Variants in ACSL5 observed in about 807,000 individuals in gnomAD.
ACSL5 encodes acyl-CoA synthetase long chain family member 5.
A neutral mutation model predicts 84.9 loss-of-function variants in ACSL5; 50 were observed. The observed-to-expected ratio is 0.59, with a 90% CI of 0.47 to 0.75. The LOEUF is 0.75. Ranked by LOEUF, ACSL5 falls within the 30% of genes least tolerant of loss-of-function variation. The pLI is 0.00. For synonymous variants in ACSL5, 280 were observed against 300.7 expected, an observed-to-expected ratio of 0.93 and a Z score of 0.71; for missense variants, 775 against 830.4, an observed-to-expected ratio of 0.93 and a Z score of 0.82.
At chr10:112,376,527 C>A (rs1849242997) in intron 1 of ACSL5, 4 of 1,579,434 alleles carry the variant, frequency 2.5e-6, no homozygotes, top group Non-Finnish European at 3.4e-6. Flanking sequence ...GGCATCCTGA[C>A]CCCCGACTTT....
rs1315546389 is a variant in ACSL5, at chr10:112,427,338, T to A, written c.2032T>A (p.Tyr678Asn). 1 of 1,613,360 alleles carries A rather than the reference T, an allele frequency of 6.2e-7. No individual in the cohort carries two copies. The highest frequency in any genetic ancestry group is 8.5e-7 in the Non-Finnish European group (1 of 1,179,654). Reference protein sequence around the residue: ...KYFRTQIDSLYEHIQD With the variant: ...KYFRTQIDSLNEHIQD ...CTTTCGGACCCAAATTGACAGCCTG[T>A]ATGAGCACATCCAGGATTAGGATAA... is the stretch of plus-strand genomic sequence containing the variant. The change falls in exon 21 of 21, where the codon TAT becomes AAT. Residue 678 changes from tyrosine to asparagine, a missense_variant. Tyr to Asn is a moderately radical substitution (Grantham distance 143). Transcript: ENST00000354655.
chr10:112,422,183 A>G (rs540342924), intron 16 of ACSL5, 142 bp from the exon 17 acceptor site: 180 of 1,092,190 alleles, frequency 1.6e-4, no homozygotes, highest in Admixed American at 1.0e-3. Context: ...CCTATCCCCT[A>G]TAGTGGAGAC....
In ACSL5 at chr10:112,410,578, C is replaced by G; in HGVS notation, c.745-6C>G. ...GTGGAATAAGCCCTTGTGCTTCCTC[C>G]TCCAGCCTCCTAGCCCAGAAGACCT... On this transcript the variant is annotated splice_region_variant and splice_polypyrimidine_tract_variant and intron_variant, in intron 8 of 20. Coordinates refer to ENST00000354655, the MANE Select transcript of ACSL5 (RefSeq NM_203379.2). 1 of 1,614,148 alleles carries G rather than the reference C, an allele frequency of 6.2e-7. No individual in the cohort carries two copies. Among genetic ancestry groups the G allele is most frequent in the Non-Finnish European group, 8.5e-7 (1 of 1,180,028 alleles).
At chr10:112,426,660 G>C in intron 19 of ACSL5, 128 bp from the exon 20 acceptor site, 1 of 795,294 alleles carries the variant, frequency 1.3e-6, no homozygotes, top group South Asian at 1.7e-5. Flanking sequence ...CATATAATGT[G>C]CTTGTGCATA....
chr10:112,426,458 CCAAA>C (rs1439315315), intron 19 of ACSL5, 99 bp downstream of exon 19: 9 of 973,118 alleles, frequency 9.2e-6, no homozygotes, highest in East Asian at 2.4e-5. Context: ...TGGCTGCAGC[CCAAA>C]CAGACTGAAT....
At chr10:112,402,217 C>T (rs1390328666) in intron 3 of ACSL5, among the ~76,000 whole-genome samples, 2 of 152,136 alleles carry the variant, frequency 1.3e-5, no homozygotes, top group South Asian at 2.1e-4. Flanking sequence ...ATCTGCCAAC[C>T]TCTGCCTCCC....
At chr10:112,418,926 GA>G (rs1218387792) in intron 14 of ACSL5, 1 of 151,136 alleles carries the variant, frequency 6.6e-6, no homozygotes, top group Admixed American at 6.6e-5. Flanking sequence ...CCTATCAGTG[GA>G]GCTGTGCCAT....
chr10:112,416,848 T>C (rs371244292), intron 12 of ACSL5, 40 bp from the exon 13 acceptor site: 2 of 1,608,532 alleles, frequency 1.2e-6, no homozygotes, highest in Non-Finnish European at 1.7e-6. Flanking sequence ...GATGAGTATC[T>C]CCAATAGGTT....
intron 12 of ACSL5, among the ~76,000 whole-genome samples, chr10:112,414,958 C>G (rs1217158147): frequency 5.9e-5 from 9 of 152,254 alleles, no homozygotes. Context: ...TTAACTCTTC[C>G]TTTCACTCTT....
intron 7 of ACSL5, 58 bp downstream of exon 7, chr10:112,409,743 T>C: frequency 6.5e-7 from 1 of 1,547,846 alleles, no homozygotes; most frequent in Middle Eastern, 1.7e-4. Flanking sequence ...TTGGGCAACT[T>C]GCAAGATACC....
intron 1 of ACSL5, among the ~76,000 whole-genome samples, chr10:112,392,695 T>G (rs1843670451): frequency 1.3e-5 from 2 of 150,218 alleles, no homozygotes; most frequent in Admixed American, 1.3e-4. Flanking sequence ...GAGTCGAGAT[T>G]GTACCACTGC....
chr10:112,384,231 C>A (rs1849406522), intron 1 of ACSL5, among the ~76,000 whole-genome samples: 1 of 151,908 alleles, frequency 6.6e-6, no homozygotes, highest in South Asian at 2.1e-4. Flanking sequence ...TGCTGTACCC[C>A]CAGTTCTCTT....
At chr10:112,404,296 T>A (rs1843978507) in intron 3 of ACSL5, among the ~76,000 whole-genome samples, 1 of 152,220 alleles carries the variant, frequency 6.6e-6, no homozygotes, top group Non-Finnish European at 1.5e-5. Context: ...CTGTTTTGTG[T>A]AGCATTTCCT....
chr10:112,417,038 C>T lies in ACSL5; in HGVS notation c.1218+16C>T, dbSNP rs1844330673. The T allele has an allele frequency of 6.2e-7, 1 of 1,610,450 alleles. No individual in the cohort carries two copies. The stretch of plus-strand genomic sequence containing the variant: ...AAAGATCCAGGTAGGTTGGGCAGGT[C>T]CTGGACTGAAGCAGGCAAATACCTG... On this transcript the variant is annotated intron_variant, in intron 13 of 20. Coordinates refer to ENST00000354655, the MANE Select transcript of ACSL5 (RefSeq NM_203379.2).
intron 1 of ACSL5, among the ~76,000 whole-genome samples, chr10:112,391,284 C>T (rs570725818): frequency 3.3e-5 from 5 of 151,956 alleles, no homozygotes; most frequent in South Asian, 2.1e-4. Context: ...ACAGGAGAAT[C>T]GCCTGAACCT....
chr10:112,402,150 T>C (rs1843927348), intron 3 of ACSL5, among the ~76,000 whole-genome samples: 1 of 152,066 alleles, frequency 6.6e-6, no homozygotes, highest in Non-Finnish European at 1.5e-5. Context: ...ATATTTTTTA[T>C]AGAGATGGAG....
chr10:112,426,854 G>T lies in ACSL5; in HGVS notation c.1906G>T (p.Glu636Ter). 1.2e-6 allele frequency: 2 copies of T among 1,611,414 alleles called. No homozygotes were observed. The highest frequency in any genetic ancestry group is 2.2e-5 in the South Asian group (2 of 90,958). Residue 636 changes from glutamate (E) to a stop codon, truncating the protein, a stop_gained, in exon 20 of 21, where the codon GAA (glutamate) becomes TAA (stop). Coordinates refer to ENST00000354655, the MANE Select transcript of ACSL5 (RefSeq NM_203379.2). LOFTEE classifies it high-confidence loss of function. ...IGKESGLKTF[E>*]QVKAIFLHPE... ...GAAAGAAAGTGGCCTTAAAACTTTTGAACAGGTGTGTGCTACCACTGATGT... is the reference window on the plus strand; with the variant it reads ...GAAAGAAAGTGGCCTTAAAACTTTTTAACAGGTGTGTGCTACCACTGATGT...
At chr10:112,380,482 A>G (rs1427041191) in intron 1 of ACSL5, among the ~76,000 whole-genome samples, 9 of 137,230 alleles carry the variant, frequency 6.6e-5, no homozygotes, top group Admixed American at 6.2e-4. Flanking sequence ...CCTTTTAACT[A>G]AAGATGGACC....
chr10:112,398,524 C>T (rs1350962760), intron 2 of ACSL5, among the ~76,000 whole-genome samples: 2 of 152,102 alleles, frequency 1.3e-5, no homozygotes, highest in African/African-American at 2.4e-5. Flanking sequence ...CCTGTCTCAA[C>T]CTCCCAAGTA....
Sources: gnomAD v4.1 joint callset for allele counts (sites outside exome capture counted in the v4.1 genomes callset) on GRCh38, gnomAD v4.1.1 for gene constraint, MANE v1.5 for transcripts, NCBI Gene and HGNC (gene_info 2026-07-23, HGNC 2026-07-21) for gene names.